Variants in MSRA observed in about 807,000 individuals in gnomAD.
MSRA encodes methionine sulfoxide reductase A, also known as mitochondrial peptide methionine sulfoxide reductase.
MSRA carries 54 observed loss-of-function variants against 31.3 expected under a neutral mutation model. The ratio of observed to expected loss-of-function variants is 1.73; its 90% CI spans 1.39 to 2.17. The LOEUF is 2.17. Ranked by LOEUF, MSRA falls within the 30% of genes most tolerant of loss-of-function variation. The pLI, the probability that MSRA is intolerant of heterozygous loss-of-function variation, is 0.00. For synonymous variants in MSRA, 169 were observed against 116.5 expected (o/e 1.45, Z -2.90); for missense variants, 507 against 300.9 (o/e 1.69, Z -5.07).
chr8:10,359,043 C>G (rs903090636), intron 5 of MSRA, among the ~76,000 whole-genome samples: 36 of 152,200 alleles, frequency 2.4e-4, no homozygotes, highest in Non-Finnish European at 4.6e-4. Context: ...GATCCCCACC[C>G]CAGGTCTATG....
At chr8:10,402,451 C>T (rs895518379) in intron 5 of MSRA, among the ~76,000 whole-genome samples, 10 of 152,356 alleles carry the variant, frequency 6.6e-5, no homozygotes, top group African/African-American at 1.9e-4. Context: ...CACTCACCCA[C>T]AGTTTTCCCT....
Position 10,317,153 on chromosome 8 carries a change from G to T in MSRA, c.437-2730G>T, listed in dbSNP as rs183594969. Among the ~76,000 whole-genome samples, 3 of 152,332 alleles carry T rather than the reference G, an allele frequency of 2.0e-5. No individual in the cohort carries two copies. The East Asian group carries it at 5.8e-4, about 29-fold the overall frequency. ...TGCTCCCGCAAAGCTCCCTAAGATA[G>T]AGATAGCGATTTCAGACCCTGAGGC... On this transcript the variant is annotated intron_variant, in intron 4 of 5. Coordinates refer to ENST00000317173, the MANE Select transcript of MSRA (RefSeq NM_012331.5).
chr8:10,223,948 T>A (rs1810755750), intron 2 of MSRA, among the ~76,000 whole-genome samples: 1 of 152,200 alleles, frequency 6.6e-6, no homozygotes, highest in Non-Finnish European at 1.5e-5. Flanking sequence ...CTCACAGACT[T>A]GGACTCACAC....
In MSRA at chr8:10,189,733, A is replaced by G. The variant is rs111783781; in HGVS notation, c.143-18100A>G. Among the ~76,000 whole-genome samples the G allele has an allele frequency of 3.2e-3, 481 of 152,348 alleles. 3 individuals carry two copies. Among genetic ancestry groups the G allele is most frequent in the African/African-American group, 0.011 (461 of 41,580 alleles). ...ATACTTTTTATATATTCCTGAATTC[A>G]GTATTATTAAAGAATTTTAAATTCT... On this transcript the variant is annotated intron_variant, in intron 1 of 5. Coordinates refer to ENST00000317173, the MANE Select transcript of MSRA (RefSeq NM_012331.5).
intron 4 of MSRA, among the ~76,000 whole-genome samples, chr8:10,315,227 A>T (rs977068023): frequency 2.2e-4 from 33 of 152,190 alleles, no homozygotes; most frequent in African/African-American, 7.5e-4. Context: ...ACAGCTCAAG[A>T]TGAGATTTGG....
chr8:10,303,761 G>A (rs534466118), intron 4 of MSRA, among the ~76,000 whole-genome samples: 10 of 152,160 alleles, frequency 6.6e-5, no homozygotes, highest in South Asian at 4.1e-4. Context: ...AGGGTAGGGC[G>A]AGAGATCCTC....
chr8:10,419,326 G>A (rs924399733), intron 5 of MSRA, among the ~76,000 whole-genome samples: 2 of 152,124 alleles, frequency 1.3e-5, no homozygotes, highest in East Asian at 3.9e-4. Context: ...TTCTTGTCCC[G>A]GACCTACCCC....
intron 1 of MSRA, among the ~76,000 whole-genome samples, chr8:10,187,164 T>A (rs17151272): frequency 0.033 from 5,082 of 152,272 alleles, 277 homozygotes; most frequent in African/African-American, 0.12. Context: ...CTTCGGGAAA[T>A]GGTACGACCA....
At chr8:10,165,677 A>G (rs1405772247) in intron 1 of MSRA, among the ~76,000 whole-genome samples, 1 of 152,228 alleles carries the variant, frequency 6.6e-6, no homozygotes, top group Non-Finnish European at 1.5e-5. Flanking sequence ...AAATCAGGAC[A>G]CATAGTCTTG....
intron 5 of MSRA, among the ~76,000 whole-genome samples, chr8:10,347,466 C>T (rs761010874): frequency 2.6e-5 from 4 of 152,276 alleles, no homozygotes; most frequent in African/African-American, 7.2e-5. Context: ...CTCTGCCTTG[C>T]CCCCTGCAGC....
intron 2 of MSRA, among the ~76,000 whole-genome samples, chr8:10,234,299 A>G (rs535837742): frequency 6.6e-6 from 1 of 152,312 alleles, no homozygotes; most frequent in African/African-American, 2.4e-5. Flanking sequence ...AAAATAAAAA[A>G]GGCAAATCTT....
intron 3 of MSRA, among the ~76,000 whole-genome samples, chr8:10,287,778 C>A (rs1164812333): frequency 5.9e-5 from 9 of 152,116 alleles, no homozygotes; most frequent in Non-Finnish European, 1.5e-5. Flanking sequence ...ATAAGGGAGA[C>A]CCAGGGGTCA....
intron 4 of MSRA, among the ~76,000 whole-genome samples, chr8:10,309,388 C>T (rs751022628): frequency 1.1e-4 from 16 of 152,206 alleles, no homozygotes; most frequent in Non-Finnish European, 1.8e-4. Context: ...GTGCTCATGC[C>T]GCCTGTGGAA....
chr8:10,341,238 G>T (rs528781978), intron 5 of MSRA, among the ~76,000 whole-genome samples: 3 of 152,228 alleles, frequency 2.0e-5, no homozygotes, highest in African/African-American at 7.2e-5. Context: ...TTTACAGGAA[G>T]CCTGCTGGCA....
chr8:10,091,151 C>T (rs373953069), intron 1 of MSRA, among the ~76,000 whole-genome samples: 3 of 152,090 alleles, frequency 2.0e-5, no homozygotes, highest in East Asian at 1.9e-4. Flanking sequence ...GGCTTATAAT[C>T]CTTTTTATAT....
intron 5 of MSRA, among the ~76,000 whole-genome samples, chr8:10,343,599 T>G (rs1803580563): frequency 6.6e-6 from 1 of 152,160 alleles, no homozygotes; most frequent in Admixed American, 6.5e-5. Context: ...GAGAGCTTAG[T>G]GAGGGTAGGT....
At chr8:10,365,433 G>A (rs1273916135) in intron 5 of MSRA, among the ~76,000 whole-genome samples, 2 of 152,184 alleles carry the variant, frequency 1.3e-5, no homozygotes, top group Non-Finnish European at 2.9e-5. Context: ...CTCCGGAATA[G>A]CAAGCCACTC....
chr8:10,106,771 C>T (rs757480596), intron 1 of MSRA, among the ~76,000 whole-genome samples: 112 of 152,124 alleles, frequency 7.4e-4, no homozygotes, highest in South Asian at 6.2e-4. Flanking sequence ...TCTCCATACA[C>T]CCTTGGGAAT....
At chr8:10,390,869 G>T (rs935617818) in intron 5 of MSRA, among the ~76,000 whole-genome samples, 1 of 152,014 alleles carries the variant, frequency 6.6e-6, no homozygotes, top group African/African-American at 2.4e-5. Context: ...CCACCTACTC[G>T]GGAGGCTGAG....
Sources: allele counts gnomAD v4.1 joint callset (sites outside exome capture counted in the v4.1 genomes callset), GRCh38; gene constraint gnomAD v4.1.1; transcripts MANE v1.5; gene names NCBI Gene and HGNC (gene_info 2026-07-23, HGNC 2026-07-21).